Variants in JDP2 observed in about 807,000 individuals in gnomAD.
JDP2 encodes the protein progesterone receptor co-activator.
A neutral mutation model predicts 17.1 loss-of-function variants in JDP2; 9 were observed. That is an observed-to-expected ratio of 0.53 (90% CI 0.32 to 0.92). The LOEUF (loss-of-function observed/expected upper bound fraction) is 0.92. Ranked by LOEUF, JDP2 falls within the 40% of genes least tolerant of loss-of-function variation. JDP2 has a pLI of 0.04. For synonymous variants in JDP2, 107 were observed against 95.6 expected (o/e 1.12, Z -0.69); for missense variants, 179 against 220.0 (o/e 0.81, Z 1.18).
At chr14:75,445,031 C>G in intron 2 of JDP2, 1 of 873,652 alleles carries the variant, frequency 1.1e-6, no homozygotes. Context: ...CTTTTAGCAG[C>G]CTTAAGAAGG....
At chr14:75,439,111 G>A (rs1665434096) in intron 2 of JDP2, among the ~76,000 whole-genome samples, 1 of 152,174 alleles carries the variant, frequency 6.6e-6, no homozygotes, top group Non-Finnish European at 1.5e-5. Flanking sequence ...GAGGGCTGAA[G>A]TGCTGGAAGT....
intron 2 of JDP2, among the ~76,000 whole-genome samples, chr14:75,459,061 C>G (rs1211955073): frequency 6.6e-6 from 1 of 152,130 alleles, no homozygotes; most frequent in Non-Finnish European, 1.5e-5. Context: ...GGAATAAGGC[C>G]CTGTGCAGGA....
chr14:75,428,592 G>C lies in JDP2; in HGVS notation c.-24+340G>C, dbSNP rs1450916629. On this transcript the variant is annotated intron_variant, in intron 1 of 3. Transcript: ENST00000651602. This position sits in a 1 kb window ranked among gnomAD's most constrained non-coding sequence, Gnocchi z 5.6. ...TTGCAGGGAGGTGCTCTCCTCGGGC[G>C]GCGGGGAAGGCGGGGTGAGTGGGGA... 6.6e-6 allele frequency: 1 copy of C among 152,456 alleles called. No homozygotes were observed. The highest frequency in any genetic ancestry group is 1.9e-4 in the East Asian group (1 of 5,144). The allele number at this position is 152,456 out of a possible 1,614,324, so 9.4% of individuals were successfully genotyped here.
intron 2 of JDP2, among the ~76,000 whole-genome samples, chr14:75,452,289 G>T (rs1323377496): frequency 6.6e-6 from 1 of 152,186 alleles, no homozygotes; most frequent in Admixed American, 6.5e-5. Flanking sequence ...GCAGCCTCGG[G>T]CAGACACTCC....
chr14:75,469,425 A>AC lies in JDP2; in HGVS notation c.447dup (p.Glu150ArgfsTer32), dbSNP rs1391316809. Reference sequence around the variant, plus strand: ...CATCGTCCGGACCGACAGTGTCAAGACCCCCGAGTCAGAAGGCAACCCACT... The same window carrying AC: ...CATCGTCCGGACCGACAGTGTCAAGACCCCCCGAGTCAGAAGGCAACCCACT... On this transcript the variant is annotated frameshift_variant, in exon 4 of 4. Transcript: ENST00000651602. LOFTEE classifies it high-confidence loss of function. 1 of 1,613,840 alleles carries AC rather than the reference A, an allele frequency of 6.2e-7. No individual in the cohort carries two copies. Among genetic ancestry groups the AC allele is most frequent in the Non-Finnish European group, 8.5e-7 (1 of 1,179,918 alleles).
At chr14:75,439,259 G>A (rs1234456822) in intron 2 of JDP2, among the ~76,000 whole-genome samples, 1 of 149,758 alleles carries the variant, frequency 6.7e-6, no homozygotes, top group Non-Finnish European at 1.5e-5. Flanking sequence ...TGGGGGCTTG[G>A]CTGTGGTGGC....
chr14:75,433,818 A>G (rs715463), intron 1 of JDP2, among the ~76,000 whole-genome samples: 59,568 of 151,748 alleles, frequency 0.39, 13,079 homozygotes, highest in Non-Finnish European at 0.5. Flanking sequence ...TTCCAGGCCT[A>G]TATTTTGAGG....
intron 2 of JDP2, among the ~76,000 whole-genome samples, chr14:75,450,570 T>C (rs1885804586): frequency 1.3e-5 from 2 of 152,202 alleles, no homozygotes; most frequent in Non-Finnish European, 2.9e-5. Flanking sequence ...CACCTGGTGG[T>C]TGGCTGAGCT....
chr14:75,474,072 G>A lies in JDP2; in HGVS notation c.*4597G>A, dbSNP rs1302644634. 1 of 152,176 alleles carries A rather than the reference G, an allele frequency of 6.6e-6. No homozygotes were observed. The highest frequency in any genetic ancestry group is 2.4e-5 in the African/African-American group (1 of 41,424). The allele number at this position is 152,176 out of a possible 1,614,324, so 9.4% of individuals were successfully genotyped here. On this transcript the variant is annotated 3_prime_UTR_variant, in exon 4 of 4. Coordinates refer to ENST00000651602, the MANE Select transcript of JDP2 (RefSeq NM_001135048.2). ...CTTCTCCACACTCCTCTGTATATTT[G>A]ATATTCTTTGCAATAAAAGAGAACA...
At chr14:75,441,915 T>C (rs932479492) in intron 2 of JDP2, among the ~76,000 whole-genome samples, 14 of 151,990 alleles carry the variant, frequency 9.2e-5, no homozygotes, top group African/African-American at 3.4e-4. Flanking sequence ...TGCCTCTGGG[T>C]CTGGAATGCA....
At chr14:75,429,762 T>C (rs1255590098) in intron 1 of JDP2, among the ~76,000 whole-genome samples, 1 of 152,204 alleles carries the variant, frequency 6.6e-6, no homozygotes, top group Non-Finnish European at 1.5e-5. Context: ...TTGCCTTGTT[T>C]AGAGCAGGGA....
At chr14:75,441,861 C>T (rs1885369061) in intron 2 of JDP2, among the ~76,000 whole-genome samples, 1 of 152,214 alleles carries the variant, frequency 6.6e-6, no homozygotes, top group Non-Finnish European at 1.5e-5. Context: ...CTTGGCCCTT[C>T]CCAGGTCATC....
In JDP2 at chr14:75,440,679, C is replaced by T. The variant is rs78693578; in HGVS notation, c.201+2558C>T. The stretch of plus-strand genomic sequence containing the variant: ...GGTTCAGTCACTCAGGGTCACACTG[C>T]TGGGAAGTGATAGCGCTGGGGCCTG... On this transcript the variant is annotated intron_variant, in intron 2 of 3. Coordinates refer to ENST00000651602, the MANE Select transcript of JDP2 (RefSeq NM_001135048.2). 5.4e-3 allele frequency among the ~76,000 whole-genome samples: 824 copies of T among 152,282 alleles called. 6 individuals are homozygous for T. The highest frequency in any genetic ancestry group is 0.022 in the East Asian group (115 of 5,186).
intron 2 of JDP2, among the ~76,000 whole-genome samples, chr14:75,453,313 G>C (rs1885952482): frequency 6.6e-6 from 1 of 152,136 alleles, no homozygotes; most frequent in Admixed American, 6.5e-5. Context: ...CCTCCATGCA[G>C]GGGGGGCCCT....
intron 2 of JDP2, among the ~76,000 whole-genome samples, chr14:75,444,526 G>A (rs898913601): frequency 6.6e-6 from 1 of 152,086 alleles, no homozygotes; most frequent in Non-Finnish European, 1.5e-5. Flanking sequence ...TGGCTCTCTC[G>A]CTCATTCCCA....
chr14:75,436,916 G>A (rs935904043), intron 1 of JDP2, among the ~76,000 whole-genome samples: 10 of 152,200 alleles, frequency 6.6e-5, no homozygotes, highest in Admixed American at 4.6e-4. Context: ...GGAGGTAGCC[G>A]GGCGCAGTGG....
At chr14:75,441,741 A>G (rs553238641) in intron 2 of JDP2, among the ~76,000 whole-genome samples, 1 of 152,324 alleles carries the variant, frequency 6.6e-6, no homozygotes, top group South Asian at 2.1e-4. Flanking sequence ...ATTCGCTTTC[A>G]GGACAGCTTT....
chr14:75,439,917 A>T (rs1487890501), intron 2 of JDP2, among the ~76,000 whole-genome samples: 1 of 152,190 alleles, frequency 6.6e-6, no homozygotes, highest in Non-Finnish European at 1.5e-5. Context: ...CATGGGGTTG[A>T]TGAAGAGCCA....
intron 2 of JDP2, among the ~76,000 whole-genome samples, chr14:75,448,369 A>C (rs954030303): frequency 6.6e-6 from 1 of 152,226 alleles, no homozygotes; most frequent in African/African-American, 2.4e-5. Context: ...CCAGAAATCC[A>C]TGATGCAATA....
Sources: allele counts gnomAD v4.1 joint callset (sites outside exome capture counted in the v4.1 genomes callset), GRCh38; gene constraint gnomAD v4.1.1; non-coding constraint Gnocchi (gnomAD v3.1); transcripts MANE v1.5; gene names NCBI Gene and HGNC (gene_info 2026-07-23, HGNC 2026-07-21).